The following ZDHHC11 variants were observed in gnomAD, a reference collection of about 807,000 sequenced individuals.
ZDHHC11 encodes the protein zDHHC palmitoyltransferase 11, also known as palmitoyltransferase ZDHHC11.
Under a neutral mutation model 51.3 loss-of-function variants are expected in ZDHHC11, and 44 were observed. The observed-to-expected ratio is 0.86, with a 90% CI of 0.67 to 1.10. The LOEUF (loss-of-function observed/expected upper bound fraction) is 1.10, where lower values mean the gene tolerates loss of function less well. Ranked by LOEUF, ZDHHC11 falls within the 50% of genes least tolerant of loss-of-function variation. The probability of loss-of-function intolerance (pLI) is 0.00; values close to 1 mark genes in which losing one functional copy is unlikely to be tolerated. For synonymous variants in ZDHHC11, 163 were observed against 222.0 expected (o/e 0.73, Z 2.36); for missense variants, 400 against 537.7 (o/e 0.74, Z 2.53).
chr5:854,688 G>A (rs1747877038), upstream of ZDHHC11, among the ~76,000 whole-genome samples: 1 of 150,778 alleles, frequency 6.6e-6, no homozygotes, highest in Non-Finnish European at 1.5e-5. Flanking sequence ...ATCCCATGGA[G>A]GACAGCAAGC....
rs1211625998 is a variant in ZDHHC11 at position 796,265 on chromosome 5, G to T, written c.*323C>A. The stretch of plus-strand genomic sequence containing the variant: ...AAGAGGCCCTGCAGCTGGCTGGCTG[G>T]CTGGACAGCACAGTTAAGCAGGTGG... On this transcript the variant is annotated 3_prime_UTR_variant, in exon 13 of 13. Coordinates refer to ENST00000283441, the MANE Select transcript of ZDHHC11 (RefSeq NM_024786.3). 1 of 154,540 alleles carries T rather than the reference G, an allele frequency of 6.5e-6. No homozygotes were observed. The highest frequency in any genetic ancestry group is 1.9e-4 in the East Asian group (1 of 5,330). 9.6% of individuals were successfully genotyped at this position (154,540 alleles called of 1,614,324 possible).
intron 9 of ZDHHC11, 134 bp from the exon 10 acceptor site, chr5:819,746 G>T: frequency 1.1e-6 from 1 of 878,508 alleles, no homozygotes; most frequent in Non-Finnish European, 1.8e-6. Context: ...GAGACCAGCA[G>T]CTCCCGGGAG....
upstream of ZDHHC11, among the ~76,000 whole-genome samples, chr5:852,635 G>A (rs1435217752): frequency 1.3e-5 from 2 of 151,200 alleles, no homozygotes; most frequent in Non-Finnish European, 2.9e-5. Flanking sequence ...CTCCACAGAG[G>A]ACAGTGAGCA....
intron 11 of ZDHHC11, among the ~76,000 whole-genome samples, chr5:811,196 G>T (rs1218042106): frequency 2.9e-5 from 4 of 140,194 alleles, no homozygotes; most frequent in African/African-American, 1.1e-4. Context: ...TATCATTCTT[G>T]CCAGAAATGG....
Position 795,868 on chromosome 5 carries a change from TGAACTCCCCTTTCCCAGTACTGTGG to T in ZDHHC11, c.*695_*719del, listed in dbSNP as rs1737492990. 1.3e-5 allele frequency: 2 copies of T among 152,686 alleles called. No homozygotes were observed. The highest frequency in any genetic ancestry group is 2.5e-5 in the African/African-American group (1 of 40,576). The allele number at this position is 152,686 out of a possible 1,614,324, so 9.5% of individuals were successfully genotyped here. On this transcript the variant is annotated 3_prime_UTR_variant, in exon 13 of 13. Transcript: ENST00000283441. ...ACTATGCTCCCATTTCCGAGTACTG[TGAACTCCCCTTTCCCAGTACTGTGG>T]GCTCCCATTTCCCAGTACTGTGCTC...
chr5:828,364 G>T (rs1324621588), intron 7 of ZDHHC11, among the ~76,000 whole-genome samples: 1 of 149,222 alleles, frequency 6.7e-6, no homozygotes, highest in African/African-American at 2.5e-5. Flanking sequence ...CCGGGTGGAG[G>T]TGCCCCCCAC....
intron 11 of ZDHHC11, among the ~76,000 whole-genome samples, 167 bp from the exon 12 acceptor site, chr5:801,331 A>G (rs4087954): frequency 0.32 from 44,355 of 137,942 alleles, 11,841 homozygotes; most frequent in African/African-American, 0.71. Flanking sequence ...TTTTTGTGAA[A>G]ACAGTAACAT....
At chr5:798,553 C>CTGTA in intron 12 of ZDHHC11, among the ~76,000 whole-genome samples, 1 of 150,166 alleles carries the variant, frequency 6.7e-6, no homozygotes, top group Admixed American at 6.8e-5. Flanking sequence ...TGCCATCGGT[C>CTGTA]TGTATTCCAC....
At chr5:846,709 TGA>T (rs1375991923) in intron 3 of ZDHHC11, among the ~76,000 whole-genome samples, 8 of 142,106 alleles carry the variant, frequency 5.6e-5, no homozygotes, top group African/African-American at 1.9e-4. Context: ...CTCTCGTCCT[TGA>T]GCCTCCACCA....
intron 11 of ZDHHC11, among the ~76,000 whole-genome samples, chr5:808,823 G>A (rs1213538214): frequency 3.4e-5 from 5 of 145,544 alleles, no homozygotes; most frequent in African/African-American, 7.4e-5. Flanking sequence ...TCAGCCTCCC[G>A]AGTAGCTGGG....
intron 10 of ZDHHC11, among the ~76,000 whole-genome samples, chr5:815,624 G>C (rs1314868311): frequency 6.6e-6 from 1 of 151,018 alleles, no homozygotes; most frequent in Non-Finnish European, 1.5e-5. Context: ...GTAAGAATCT[G>C]GGGGTGAGAG....
intron 8 of ZDHHC11, chr5:823,906 G>C: frequency 2.6e-6 from 1 of 378,770 alleles, no homozygotes; most frequent in Non-Finnish European, 5.4e-6. Context: ...GCTGAGTCTG[G>C]GCCAGGGTGG....
chr5:803,836 G>A (rs1738838921), intron 11 of ZDHHC11, among the ~76,000 whole-genome samples: 1 of 150,236 alleles, frequency 6.7e-6, no homozygotes, highest in South Asian at 2.1e-4. Flanking sequence ...AAAGAAACTG[G>A]AGCTGGAAAG....
intron 1 of ZDHHC11, among the ~76,000 whole-genome samples, chr5:858,502 GTCCT>G (rs1748601976): frequency 6.6e-6 from 1 of 152,138 alleles, no homozygotes; most frequent in African/African-American, 2.4e-5. Context: ...CTTCATCCCT[GTCCT>G]TCCTTTATGA....
At chr5:860,130 AGAG>A (rs1210954821), upstream of ZDHHC11, among the ~76,000 whole-genome samples, 1 of 152,174 alleles carries the variant, frequency 6.6e-6, no homozygotes, top group African/African-American at 2.4e-5. This position sits in a 1 kb window ranked among gnomAD's most constrained non-coding sequence, Gnocchi z 4.2. Context: ...TACACAAGTA[AGAG>A]GAACAGCTGG....
chr5:809,294 G>A (rs558873315), intron 11 of ZDHHC11, among the ~76,000 whole-genome samples: 201 of 139,970 alleles, frequency 1.4e-3, no homozygotes, highest in African/African-American at 5.4e-3. Flanking sequence ...TGTTGCTGTT[G>A]GAGCAGCACC....
At chr5:829,433 C>A (rs1431510452) in intron 7 of ZDHHC11, among the ~76,000 whole-genome samples, 7 of 151,984 alleles carry the variant, frequency 4.6e-5, no homozygotes, top group African/African-American at 1.7e-4. Flanking sequence ...ATATACAACC[C>A]ACCTAGATTA....
Position 837,854 on chromosome 5 carries a change from C to T in ZDHHC11, c.785-374G>A, listed in dbSNP as rs533605937. 2.3e-3 allele frequency among the ~76,000 whole-genome samples: 343 copies of T among 152,044 alleles called. 10 individuals are homozygous for T. Among genetic ancestry groups the T allele is most frequent in the South Asian group, 4.6e-3 (22 of 4,818 alleles). ...GAGGTTGCTCCAGATCCCCTGGGAT[C>T]GCTGGCAGGGGTAAGAGACCAGCTC... On this transcript the variant is annotated intron_variant, in intron 5 of 12. Coordinates refer to ENST00000283441, the MANE Select transcript of ZDHHC11 (RefSeq NM_024786.3).
At chr5:854,122 G>T (rs936800636), upstream of ZDHHC11, among the ~76,000 whole-genome samples, 12 of 147,022 alleles carry the variant, frequency 8.2e-5, no homozygotes, top group East Asian at 2.1e-4. Context: ...AGTGAGGAGC[G>T]GGGACAGACC....
Sources: allele counts gnomAD v4.1 joint callset (sites outside exome capture counted in the v4.1 genomes callset), GRCh38; gene constraint gnomAD v4.1.1; non-coding constraint Gnocchi (gnomAD v3.1); transcripts MANE v1.5; gene names NCBI Gene and HGNC (gene_info 2026-07-23, HGNC 2026-07-21).